The following MAP3K15 variants were observed in gnomAD, a reference collection of about 807,000 sequenced individuals.
MAP3K15 encodes the protein MAPK/ERK kinase kinase 15.
In MAP3K15, 124 loss-of-function variants were observed where a neutral mutation model predicts 99.5. The observed-to-expected ratio is 1.25, with a 90% CI of 1.08 to 1.45. The LOEUF (loss-of-function observed/expected upper bound fraction) is 1.45. Among genes scored for constraint, MAP3K15 ranks in the 40% most tolerant of loss-of-function variants. The pLI is 0.00. For missense variants in MAP3K15, 1,242 were observed against 1,079.7 expected, an observed-to-expected ratio of 1.15 and a Z score of -2.11; for synonymous variants, 494 against 439.6, an observed-to-expected ratio of 1.12 and a Z score of -1.55.
At chrX:19,427,664 G>A (rs1197418788) in intron 7 of MAP3K15, among the ~76,000 whole-genome samples, 1 of 111,116 alleles carries the variant, frequency 9.0e-6, no homozygotes, top group Non-Finnish European at 1.9e-5. Flanking sequence ...TTATAGGCAG[G>A]AAAAAAAGAA....
chrX:19,469,423 G>T (rs2064191494), intron 3 of MAP3K15, among the ~76,000 whole-genome samples: 1 of 111,921 alleles, frequency 8.9e-6, no homozygotes, highest in African/African-American at 3.2e-5. Flanking sequence ...AGACTTACAT[G>T]TTAGACCTAA....
intron 5 of MAP3K15, among the ~76,000 whole-genome samples, chrX:19,457,826 C>G (rs2064104815): frequency 9.0e-6 from 1 of 111,158 alleles, no homozygotes; most frequent in Non-Finnish European, 1.9e-5. Flanking sequence ...GGGAGCTGTC[C>G]TGGGCACTGT....
chrX:19,443,022 CTTTTTTTTTTTTTT>C (rs35963207), intron 6 of MAP3K15, among the ~76,000 whole-genome samples: 2 of 17,240 alleles, frequency 1.2e-4, no homozygotes, highest in South Asian at 0.012. Context: ...CCATGCCCGG[CTTTTTTTTTTTTTT>C]TTTTTTTTTT....
intron 18 of MAP3K15, among the ~76,000 whole-genome samples, chrX:19,385,598 C>A (rs2063489205): frequency 9.0e-6 from 1 of 110,886 alleles, no homozygotes; most frequent in Non-Finnish European, 1.9e-5. Flanking sequence ...CAATTGTCTC[C>A]ACATAGCCTT....
intron 8 of MAP3K15, among the ~76,000 whole-genome samples, 171 bp from the exon 9 acceptor site, chrX:19,425,861 G>A (rs1193261723): frequency 3.6e-5 from 4 of 112,227 alleles, no homozygotes; most frequent in African/African-American, 9.7e-5. Flanking sequence ...GCTCACGCCT[G>A]TAATCCCAGC....
intron 9 of MAP3K15, among the ~76,000 whole-genome samples, chrX:19,423,611 G>A (rs1171256952): frequency 8.9e-6 from 1 of 111,924 alleles, no homozygotes; most frequent in East Asian, 2.8e-4. Context: ...AGGCCAGCTA[G>A]ACTCCAACCG....
intron 18 of MAP3K15, 67 bp from the exon 19 acceptor site, chrX:19,380,344 C>A: frequency 1.8e-6 from 2 of 1,125,639 alleles, no homozygotes; most frequent in South Asian, 3.9e-5. Flanking sequence ...GCCTGTAGTC[C>A]CAGCTACTCG....
intron 25 of MAP3K15, among the ~76,000 whole-genome samples, chrX:19,365,220 A>AC (rs1392800359): frequency 2.4e-4 from 26 of 109,589 alleles, no homozygotes; most frequent in South Asian, 2.3e-3. Flanking sequence ...AAAAAAAAAA[A>AC]AAAAAGTTCT....
In MAP3K15 at chrX:19,446,113, T is replaced by C. The variant is rs915486698; in HGVS notation, c.995+10800A>G. ...TGTGTGCCTTTTAGTTCACTTAACC[T>C]GCGTTCTAACAAAATCTTTTATTGT... On this transcript the variant is annotated intron_variant, in intron 6 of 28. Transcript: ENST00000338883. Among the ~76,000 whole-genome samples, 6 of 111,922 alleles carry C rather than the reference T, an allele frequency of 5.4e-5. 1 individual carries two copies. The highest frequency in any genetic ancestry group is 1.1e-4 in the Non-Finnish European group (6 of 53,218).
intron 23 of MAP3K15, 116 bp from the exon 24 acceptor site, chrX:19,371,180 A>G: frequency 2.5e-6 from 2 of 790,831 alleles, no homozygotes; most frequent in Non-Finnish European, 3.6e-6. Flanking sequence ...GCATGCAATC[A>G]GCCAGTTCAC....
At chrX:19,507,608 AAAG>A (rs1261085572) in intron 1 of MAP3K15, among the ~76,000 whole-genome samples, 2 of 103,848 alleles carry the variant, frequency 1.9e-5, no homozygotes, top group African/African-American at 7.2e-5. Context: ...AAAAAAAAAA[AAAG>A]AACAACTAAT....
intron 7 of MAP3K15, among the ~76,000 whole-genome samples, chrX:19,427,523 A>G (rs770882017): frequency 6.3e-5 from 7 of 111,571 alleles, no homozygotes; most frequent in African/African-American, 1.6e-4. Context: ...GGGATCTACT[A>G]TATCAGGATA....
At position 19,444,530 on chromosome X, in the gene MAP3K15, T is replaced by C. The variant is rs1569227120; in HGVS notation, c.995+12383A>G. 3.6e-5 allele frequency among the ~76,000 whole-genome samples: 4 copies of C among 111,798 alleles called. No individual in the cohort carries two copies. The South Asian group carries it at 1.5e-3, about 42-fold the overall frequency. On this transcript the variant is annotated intron_variant, in intron 6 of 28. Coordinates refer to ENST00000338883, the MANE Select transcript of MAP3K15 (RefSeq NM_001001671.4). ...ACGCATTAAAAAAATAGAACCACTT[T>C]TGAATAAAGAAATATCTCAAGGAAA...
intron 6 of MAP3K15, among the ~76,000 whole-genome samples, chrX:19,449,077 T>C (rs1038555214): frequency 9.1e-6 from 1 of 109,553 alleles, no homozygotes; most frequent in African/African-American, 3.3e-5. Context: ...TTTGGCCACA[T>C]TACAAGCAGT....
chrX:19,435,637 G>A (rs2063915980), intron 6 of MAP3K15, among the ~76,000 whole-genome samples: 1 of 112,229 alleles, frequency 8.9e-6, no homozygotes, highest in Admixed American at 9.5e-5. Context: ...CAGCTTAAAA[G>A]CCACTTTAAG....
chrX:19,435,687 C>T (rs1201439133), intron 6 of MAP3K15, among the ~76,000 whole-genome samples: 1 of 112,447 alleles, frequency 8.9e-6, no homozygotes, highest in Non-Finnish European at 1.9e-5. Context: ...GGTTAATAAT[C>T]AGCTTTTGGA....
In MAP3K15 at chrX:19,480,819, A is replaced by G. The variant is rs1228119580; in HGVS notation, c.525+5663T>C. Among the ~76,000 whole-genome samples the G allele has an allele frequency of 5.9e-5, 6 of 101,531 alleles. No individual in the cohort carries two copies. In the Admixed American group the frequency reaches 6.3e-4, roughly 11 times the overall value. The allele number at this position is 101,531 out of a possible 115,157, so 88.2% of individuals were successfully genotyped here. On this transcript the variant is annotated intron_variant, in intron 3 of 28. Coordinates refer to ENST00000338883, the MANE Select transcript of MAP3K15 (RefSeq NM_001001671.4). ...TGGGCTGGAGTGAAACTCTGTCTCAAAAAAAAAAAAAAGGGCTGGGTATGG... is the reference window on the plus strand; with the variant it reads ...TGGGCTGGAGTGAAACTCTGTCTCAGAAAAAAAAAAAAGGGCTGGGTATGG...
intron 18 of MAP3K15, among the ~76,000 whole-genome samples, chrX:19,384,524 G>A (rs1003275621): frequency 1.5e-4 from 16 of 109,600 alleles, no homozygotes; most frequent in Non-Finnish European, 1.1e-4. Flanking sequence ...TGGATCACTT[G>A]AGCCCAGGAG....
intron 7 of MAP3K15, 105 bp downstream of exon 7, chrX:19,431,333 G>A: frequency 1.3e-6 from 1 of 757,816 alleles, no homozygotes; most frequent in Non-Finnish European, 1.8e-6. Flanking sequence ...TTTGCTCCCT[G>A]CCAACAGACA....
Sources: allele counts gnomAD v4.1 joint callset (sites outside exome capture counted in the v4.1 genomes callset), GRCh38; gene constraint gnomAD v4.1.1; transcripts MANE v1.5; gene names NCBI Gene and HGNC (gene_info 2026-07-23, HGNC 2026-07-21).